The following TMEM238 variants were observed in gnomAD, a reference collection of about 807,000 sequenced individuals.
TMEM238 encodes the protein transmembrane protein 238.
For missense variants in TMEM238, 169 were observed against 206.8 expected (o/e 0.82, Z 1.12); for synonymous variants, 103 against 111.5 (o/e 0.92, Z 0.48).
At chr19:55,379,782 C>G (rs1456977060) in intron 1 of TMEM238, among the ~76,000 whole-genome samples, 1 of 152,104 alleles carries the variant, frequency 6.6e-6, no homozygotes, top group Admixed American at 6.5e-5. Context: ...ACCCTCACCC[C>G]AGCATTTTGG....
rs368236602 is a variant in TMEM238, at chr19:55,381,746, G to T, written c.*7+1976C>A. Among the ~76,000 whole-genome samples, 93 of 152,284 alleles carry T rather than the reference G, an allele frequency of 6.1e-4. 3 individuals carry two copies. In the South Asian group the frequency reaches 0.018, roughly 30 times the overall value. The stretch of plus-strand genomic sequence containing the variant: ...CCCAGGTGTAACCGCAAGTTAAGGT[G>T]CCCTGGGGAGGTGACACAGGCACCC... On this transcript the variant is annotated intron_variant, in intron 1 of 1. Transcript: ENST00000444469.
At chr19:55,382,141 A>G (rs2089889220) in intron 1 of TMEM238, among the ~76,000 whole-genome samples, 1 of 150,514 alleles carries the variant, frequency 6.6e-6, no homozygotes, top group South Asian at 2.1e-4. Flanking sequence ...TCATCCATCC[A>G]CGCACCCATC....
chr19:55,380,672 G>C (rs12981704), intron 1 of TMEM238, among the ~76,000 whole-genome samples: 1 of 151,046 alleles, frequency 6.6e-6, no homozygotes, highest in Non-Finnish European at 1.5e-5. Flanking sequence ...TGATCCACCC[G>C]CCTCGGCCTC....
At chr19:55,380,339 TCCCCCTC>T (rs1292948203) in intron 1 of TMEM238, among the ~76,000 whole-genome samples, 1 of 17,086 alleles carries the variant, frequency 5.9e-5, no homozygotes, top group African/African-American at 2.6e-4. Context: ...CCTTCCCCCT[TCCCCCTC>T]CCCTCCCTTC....
Position 55,384,243 on chromosome 19 carries a change from G to A in TMEM238, c.17C>T (p.Ala6Val), listed in dbSNP as rs1409410304. Residue 6 changes from alanine (A) to valine (V), a missense_variant, in exon 1 of 2, where the codon GCG becomes GTG. Physicochemically the swap from Ala to Val is moderately conservative, Grantham distance 64. Coordinates refer to ENST00000444469, the MANE Select transcript of TMEM238 (RefSeq NM_001190764.2). This position sits in a 1 kb window ranked among gnomAD's most constrained non-coding sequence, Gnocchi z 5.6. MAAAP[A>V]VCASQGSPPG... The stretch of plus-strand genomic sequence containing the variant: ...CGGGCTCCCCTGCGAGGCGCACACC[G>A]CTGGCGCCGCCGCCATGGCCCTGCA... 9 of 1,104,234 alleles carry A rather than the reference G, an allele frequency of 8.2e-6. No individual in the cohort carries two copies. Among genetic ancestry groups the A allele is most frequent in the East Asian group, 5.6e-5 (1 of 18,004 alleles). 68.4% of individuals were successfully genotyped at this position (1,104,234 alleles called of 1,614,324 possible). A position where few individuals can be genotyped will look rare whatever the true frequency, so the allele number is the denominator to read the frequency against.
chr19:55,383,995 A>G lies in TMEM238; in HGVS notation c.265T>C (p.Trp89Arg). The change falls in exon 1 of 2, where the codon TGG (tryptophan) becomes CGG (arginine). Residue 89 changes from tryptophan to arginine, a missense_variant. By Grantham distance (101) the Trp-to-Arg change is moderately radical. Coordinates refer to ENST00000444469, the MANE Select transcript of TMEM238 (RefSeq NM_001190764.2). The surrounding 1 kb of genome is among the most constrained non-coding windows in gnomAD (Gnocchi z 4.9). ...VFLSLLGWIL[W>R]YTGNIEISRQ... ...GAGATCTCGATGTTGCCGGTGTACCAGAGGATCCAGCCCAGCAGGCTCAGG... is the reference window on the plus strand; with the variant it reads ...GAGATCTCGATGTTGCCGGTGTACCGGAGGATCCAGCCCAGCAGGCTCAGG... 1 of 1,446,358 alleles carries G rather than the reference A, an allele frequency of 6.9e-7. No individual in the cohort carries two copies. Among genetic ancestry groups the G allele is most frequent in the Non-Finnish European group, 9.1e-7 (1 of 1,093,656 alleles). 89.6% of individuals were successfully genotyped at this position (1,446,358 alleles called of 1,614,324 possible).
chr19:55,380,787 G>T (rs1452209171), intron 1 of TMEM238, among the ~76,000 whole-genome samples: 3 of 151,214 alleles, frequency 2.0e-5, no homozygotes. Flanking sequence ...ACTCAGGCTG[G>T]AGTGCAGTGG....
chr19:55,381,425 A>AG (rs911742452), intron 1 of TMEM238, among the ~76,000 whole-genome samples: 1 of 150,332 alleles, frequency 6.7e-6, no homozygotes, highest in African/African-American at 2.5e-5. Context: ...TCTCAAAAAA[A>AG]AAAAAAAAAA....
In TMEM238 at chr19:55,383,900, G is replaced by A. The variant is rs937738489; in HGVS notation, c.360C>T (p.Ser120=). The A allele has an allele frequency of 2.7e-5, 31 of 1,151,074 alleles. No homozygotes were observed. In the African/African-American group the frequency reaches 4.3e-4, roughly 16 times the overall value. The allele number at this position is 1,151,074 out of a possible 1,614,324, so 71.3% of individuals were successfully genotyped here. A position where few individuals can be genotyped will look rare whatever the true frequency, so the allele number is the denominator to read the frequency against. The change falls in exon 1 of 2, where the codon TCC becomes TCT. Residue 120 remains serine (S), a synonymous_variant. Transcript: ENST00000444469. The surrounding 1 kb of genome is among the most constrained non-coding windows in gnomAD (Gnocchi z 4.9). ...CGGCGGCGGGCGCCGACCAGCGGCG[G>A]GAGAGCTTGCGCGCCAGGCGGGCGA... ...SALARLARKL[S]RRWSAPAAAG... is the part of the protein sequence containing the mutation.
Position 55,383,784 on chromosome 19 carries a change from A to C in TMEM238, c.476T>G (p.Leu159Arg). The change falls in exon 1 of 2, where the codon CTG becomes CGG. Residue 159 changes from leucine (L) to arginine (R), a missense_variant. Transcript: ENST00000444469. This position sits in a 1 kb window ranked among gnomAD's most constrained non-coding sequence, Gnocchi z 4.9. ...PPAAGSRRVR[L>R]QLATLEAGPG... Reference sequence around the variant, plus strand: ...CCCGGCCTCGAGCGTGGCGAGCTGCAGGCGCACGCGGCGGGAGCCGGCGGC... The same window carrying C: ...CCCGGCCTCGAGCGTGGCGAGCTGCCGGCGCACGCGGCGGGAGCCGGCGGC... 1 of 288,836 alleles carries C rather than the reference A, an allele frequency of 3.5e-6. No individual in the cohort carries two copies. The highest frequency in any genetic ancestry group is 5.6e-6 in the Non-Finnish European group (1 of 177,250). 17.9% of individuals were successfully genotyped at this position (288,836 alleles called of 1,614,324 possible). A position where few individuals can be genotyped will look rare whatever the true frequency, so the allele number is the denominator to read the frequency against.
Position 55,383,974 on chromosome 19 carries a change from T to C in TMEM238, c.286A>G (p.Ile96Val). The C allele has an allele frequency of 1.4e-6, 2 of 1,411,290 alleles. No homozygotes were observed. The highest frequency in any genetic ancestry group is 1.9e-6 in the Non-Finnish European group (2 of 1,073,008). 87.4% of individuals were successfully genotyped at this position (1,411,290 alleles called of 1,614,324 possible). A position where few individuals can be genotyped will look rare whatever the true frequency, so the allele number is the denominator to read the frequency against. ...TCGCGCTCCAGCTCCTGGCGCGAGATCTCGATGTTGCCGGTGTACCAGAGG... is the reference window on the plus strand; with the variant it reads ...TCGCGCTCCAGCTCCTGGCGCGAGACCTCGATGTTGCCGGTGTACCAGAGG... ...WILWYTGNIE[I>V]SRQELERDYG... The change falls in exon 1 of 2, where the codon ATC becomes GTC. Residue 96 changes from isoleucine to valine, a missense_variant. Coordinates refer to ENST00000444469, the MANE Select transcript of TMEM238 (RefSeq NM_001190764.2). The surrounding 1 kb of genome is among the most constrained non-coding windows in gnomAD (Gnocchi z 4.9).
At chr19:55,380,732 G>A (rs2089883455) in intron 1 of TMEM238, among the ~76,000 whole-genome samples, 1 of 147,636 alleles carries the variant, frequency 6.8e-6, no homozygotes, top group South Asian at 2.2e-4. Flanking sequence ...ACCTCATAAA[G>A]GATGTTCTTT....
At chr19:55,380,268 TCCTCCCCTCC>T (rs1184209975) in intron 1 of TMEM238, among the ~76,000 whole-genome samples, 2 of 111,304 alleles carry the variant, frequency 1.8e-5, no homozygotes, top group Non-Finnish European at 3.7e-5. Flanking sequence ...GATTCTCCTC[TCCTCCCCTCC>T]CCTCCCCTCC....
At position 55,384,006 on chromosome 19, in the gene TMEM238, C is replaced by A; in HGVS notation, c.254G>T (p.Gly85Val). 1.4e-6 allele frequency: 2 copies of A among 1,471,112 alleles called. No homozygotes were observed. Among genetic ancestry groups the A allele is most frequent in the Non-Finnish European group, 1.8e-6 (2 of 1,108,212 alleles). 91.1% of individuals were successfully genotyped at this position (1,471,112 alleles called of 1,614,324 possible). Residue 85 changes from glycine to valine, a missense_variant, in exon 1 of 2, where the codon GGC becomes GTC. Physicochemically the swap from Gly to Val is moderately radical, Grantham distance 109. Coordinates refer to ENST00000444469, the MANE Select transcript of TMEM238 (RefSeq NM_001190764.2). The surrounding 1 kb of genome is among the most constrained non-coding windows in gnomAD (Gnocchi z 5.6). ...GTTGCCGGTGTACCAGAGGATCCAG[C>A]CCAGCAGGCTCAGGAACACCAGCAG... ...GALLVFLSLL[G>V]WILWYTGNIE...
intron 1 of TMEM238, among the ~76,000 whole-genome samples, chr19:55,382,823 G>A (rs1169718975): frequency 2.0e-5 from 3 of 152,186 alleles, no homozygotes; most frequent in Non-Finnish European, 4.4e-5. Flanking sequence ...CATTTCTCCT[G>A]CTGTTGGTCC....
intron 1 of TMEM238, among the ~76,000 whole-genome samples, chr19:55,379,616 G>C (rs374083163): frequency 2.7e-4 from 41 of 152,246 alleles, no homozygotes; most frequent in African/African-American, 9.2e-4. Context: ...AGGCAGAAAG[G>C]GGGAGACGAA....
Position 55,384,047 on chromosome 19 carries a change from G to T in TMEM238, c.213C>A (p.Leu71=). 2 of 1,483,922 alleles carry T rather than the reference G, an allele frequency of 1.3e-6. No homozygotes were observed. Among genetic ancestry groups the T allele is most frequent in the South Asian group, 1.2e-5 (1 of 81,476 alleles). The allele number at this position is 1,483,922 out of a possible 1,614,324, so 91.9% of individuals were successfully genotyped here. Residue 71 remains leucine, a synonymous_variant, in exon 1 of 2, where the codon CTC becomes CTA. Coordinates refer to ENST00000444469, the MANE Select transcript of TMEM238 (RefSeq NM_001190764.2). The surrounding 1 kb of genome is among the most constrained non-coding windows in gnomAD (Gnocchi z 5.6). The part of the protein sequence containing the change: ...QVRGRDFGDL[L]IYSGALLVFL... The stretch of plus-strand genomic sequence containing the variant: ...ACACCAGCAGCGCGCCCGAGTAGAT[G>T]AGCAGGTCCCCGAAGTCGCGGCCGC...
intron 1 of TMEM238, among the ~76,000 whole-genome samples, chr19:55,381,574 T>C (rs2089887199): frequency 6.6e-6 from 1 of 152,146 alleles, no homozygotes. Flanking sequence ...CACTCATCTG[T>C]GTACTTATCA....
intron 1 of TMEM238, among the ~76,000 whole-genome samples, chr19:55,381,374 C>T (rs560590039): frequency 2.2e-5 from 3 of 137,634 alleles, no homozygotes; most frequent in South Asian, 2.4e-4. Flanking sequence ...GCCGAGATTG[C>T]GCCACTGCAC....
Sources: gnomAD v4.1 joint callset for allele counts (sites outside exome capture counted in the v4.1 genomes callset) on GRCh38, gnomAD v4.1.1 for gene constraint, Gnocchi (gnomAD v3.1) non-coding constraint, MANE v1.5 for transcripts, NCBI Gene and HGNC (gene_info 2026-07-23, HGNC 2026-07-21) for gene names.